CCL28: variants seen among roughly 807,000 people sequenced by gnomAD.
CCL28 encodes the protein C-C motif chemokine 28.
In CCL28, 4 loss-of-function variants were observed where a neutral mutation model predicts 7.1. The observed-to-expected ratio is 0.56, with a 90% confidence interval of 0.28 to 1.29. The LOEUF (loss-of-function observed/expected upper bound fraction) is 1.29, where lower values mean the gene tolerates loss of function less well. Ranked by LOEUF, CCL28 falls within the 50% of genes most tolerant of loss-of-function variation. CCL28 has a pLI of 0.11. For synonymous variants in CCL28, 55 were observed against 57.8 expected (o/e 0.95, Z 0.22); for missense variants, 151 against 163.4 (o/e 0.92, Z 0.41).
chr5:43,359,034 G>A, the CCL28 span, among the ~76,000 whole-genome samples: 5 of 152,252 alleles, frequency 3.3e-5, no homozygotes, highest in African/African-American at 1.2e-4. Context: ...CTTGTTCAGG[G>A]ACTGAAACCA....
chr5:43,409,037 C>T (rs922473126), intron 1 of CCL28, among the ~76,000 whole-genome samples: 4 of 151,942 alleles, frequency 2.6e-5, no homozygotes, highest in Admixed American at 1.3e-4. Flanking sequence ...TTACAGGCAG[C>T]GAGGCCAAGG....
intron 1 of CCL28, among the ~76,000 whole-genome samples, chr5:43,403,908 G>A (rs891099634): frequency 2.6e-5 from 4 of 152,070 alleles, no homozygotes; most frequent in Non-Finnish European, 4.4e-5. Context: ...GGAAGGGTAT[G>A]GTGATGGAAG....
chr5:43,385,947 C>T (rs1740317359), intron 2 of CCL28, among the ~76,000 whole-genome samples: 1 of 152,218 alleles, frequency 6.6e-6, no homozygotes, highest in Admixed American at 6.5e-5. Context: ...AATCCTGTTA[C>T]CAATACCTTC....
chr5:43,397,251 T>C (rs1453245799), intron 1 of CCL28: 2 of 151,952 alleles, frequency 1.3e-5, no homozygotes, highest in Non-Finnish European at 2.9e-5. Flanking sequence ...GGACCAGGCC[T>C]AGCCTACCGC....
At chr5:43,376,793 A>C (rs1739897074), downstream of CCL28, 1 of 152,174 alleles carries the variant, frequency 6.6e-6, no homozygotes, top group Non-Finnish European at 1.5e-5. Context: ...GGGAGATTGA[A>C]TCATTAGGAT....
At chr5:43,403,264 A>G (rs1741118938) in intron 1 of CCL28, among the ~76,000 whole-genome samples, 1 of 152,208 alleles carries the variant, frequency 6.6e-6, no homozygotes, top group South Asian at 2.1e-4. Flanking sequence ...TCCTCCCAGT[A>G]GGGGCCGACT....
At chr5:43,385,280 G>T (rs1389393604) in intron 2 of CCL28, among the ~76,000 whole-genome samples, 1 of 152,192 alleles carries the variant, frequency 6.6e-6, no homozygotes, top group African/African-American at 2.4e-5. Context: ...GTTTGAACAA[G>T]AAAACTGCTG....
downstream of CCL28, chr5:43,379,119 G>A (rs1351756974): frequency 1.3e-5 from 2 of 152,150 alleles, no homozygotes; most frequent in African/African-American, 4.8e-5. Context: ...GTGTAGAATT[G>A]CAGATCGATC....
chr5:43,370,371 C>T, the CCL28 span, among the ~76,000 whole-genome samples: 2 of 151,864 alleles, frequency 1.3e-5, no homozygotes, highest in Admixed American at 6.6e-5. Flanking sequence ...CATGACTACG[C>T]ATATCAATGC....
At chr5:43,394,409 G>C (rs1411157580) in intron 1 of CCL28, among the ~76,000 whole-genome samples, 1 of 152,112 alleles carries the variant, frequency 6.6e-6, no homozygotes, top group Non-Finnish European at 1.5e-5. Flanking sequence ...ACTAAGATCT[G>C]AAATATATTG....
chr5:43,358,916 CCTCA>C, the CCL28 span, among the ~76,000 whole-genome samples: 27 of 152,286 alleles, frequency 1.8e-4, no homozygotes, highest in East Asian at 4.1e-3. Context: ...GGCTGACTGT[CCTCA>C]CTCACTCCTG....
At chr5:43,365,906 G>A in the CCL28 span, among the ~76,000 whole-genome samples, 1 of 151,962 alleles carries the variant, frequency 6.6e-6, no homozygotes, top group African/African-American at 2.4e-5. Context: ...ATTTCATTGA[G>A]TTGATCTTCA....
intron 1 of CCL28, among the ~76,000 whole-genome samples, chr5:43,390,789 G>A (rs1740538774): frequency 6.6e-6 from 1 of 152,210 alleles, no homozygotes; most frequent in Non-Finnish European, 1.5e-5. Flanking sequence ...TTTGAGAATT[G>A]TCAAGAATAT....
At chr5:43,407,875 C>A (rs1741358204) in intron 1 of CCL28, among the ~76,000 whole-genome samples, 2 of 59,232 alleles carry the variant, frequency 3.4e-5, no homozygotes, top group South Asian at 8.0e-4. Flanking sequence ...ATGCAGCCAA[C>A]AGACCATGAA....
intron 1 of CCL28, among the ~76,000 whole-genome samples, chr5:43,407,741 T>C (rs779851): frequency 1.3e-5 from 2 of 152,100 alleles, no homozygotes; most frequent in South Asian, 2.1e-4. Context: ...TTACAATCTA[T>C]CCATCTGACA....
At chr5:43,403,728 T>C (rs1189309278) in intron 1 of CCL28, among the ~76,000 whole-genome samples, 1 of 152,078 alleles carries the variant, frequency 6.6e-6, no homozygotes, top group African/African-American at 2.4e-5. Context: ...AAGGAGGAAG[T>C]TCGAACCCAT....
chr5:43,412,172 C>A, intron 1 of CCL28, 81 bp downstream of exon 1: 1 of 1,060,402 alleles, frequency 9.4e-7, no homozygotes, highest in Non-Finnish European at 1.3e-6. Flanking sequence ...ATATTCTTGC[C>A]CCACCTCAAT....
At chr5:43,397,975 G>A (rs945581167) in intron 1 of CCL28, among the ~76,000 whole-genome samples, 2 of 151,848 alleles carry the variant, frequency 1.3e-5, no homozygotes, top group African/African-American at 2.4e-5. Flanking sequence ...GCAGAGTTGG[G>A]TCAAGAAAAA....
chr5:43,399,683 C>T (rs1466708331), intron 1 of CCL28, among the ~76,000 whole-genome samples: 1 of 152,072 alleles, frequency 6.6e-6, no homozygotes, highest in Non-Finnish European at 1.5e-5. Flanking sequence ...CCCAAATTAT[C>T]TACAATTACA....
Sources: gnomAD v4.1 joint callset for allele counts (sites outside exome capture counted in the v4.1 genomes callset) on GRCh38, gnomAD v4.1.1 for gene constraint, MANE v1.5 for transcripts, NCBI Gene and HGNC (gene_info 2026-07-23, HGNC 2026-07-21) for gene names.